The following PTCHD4 variants were observed in gnomAD, a reference collection of about 807,000 sequenced individuals.
The protein encoded by PTCHD4 is patched domain-containing protein 4.
A neutral mutation model predicts 58.1 loss-of-function variants in PTCHD4; 33 were observed. The observed-to-expected ratio is 0.57, with a 90% confidence interval of 0.43 to 0.76. The LOEUF is 0.76. PTCHD4 is among the 30% of genes least tolerant of loss of function. The pLI, the probability that PTCHD4 is intolerant of heterozygous loss-of-function variation, is 0.00. For synonymous variants in PTCHD4, 478 were observed against 409.6 expected (o/e 1.17, Z -2.02); for missense variants, 1,058 against 1,027.1 (o/e 1.03, Z -0.41).
chr6:48,082,979 A>C (rs1211177821), intron 1 of PTCHD4, among the ~76,000 whole-genome samples: 1 of 151,854 alleles, frequency 6.6e-6, no homozygotes, highest in Admixed American at 6.6e-5. Flanking sequence ...ACATCATTTA[A>C]TATAAAACTG....
chr6:48,064,182 G>C (rs1269848922), intron 3 of PTCHD4, among the ~76,000 whole-genome samples: 1 of 152,130 alleles, frequency 6.6e-6, no homozygotes, highest in Non-Finnish European at 1.5e-5. Flanking sequence ...TTGGGATCTA[G>C]ACTTGGAATC....
At chr6:48,079,522 ACT>A (rs1329155208) in intron 1 of PTCHD4, among the ~76,000 whole-genome samples, 1 of 151,742 alleles carries the variant, frequency 6.6e-6, no homozygotes, top group African/African-American at 2.4e-5. Flanking sequence ...AGTATTCCCT[ACT>A]TCTGGTAACA....
At chr6:48,046,312 A>G (rs1032622635) in intron 3 of PTCHD4, among the ~76,000 whole-genome samples, 1 of 151,806 alleles carries the variant, frequency 6.6e-6, no homozygotes, top group African/African-American at 2.4e-5. Context: ...TATGGAAACA[A>G]AATAACTGAA....
At chr6:48,017,483 A>C (rs1309876261) in intron 3 of PTCHD4, among the ~76,000 whole-genome samples, 1 of 152,226 alleles carries the variant, frequency 6.6e-6, no homozygotes, top group East Asian at 1.9e-4. Context: ...TGCTGAAATA[A>C]AATAAAAACT....
At chr6:47,935,944 T>C (rs1381500842) in intron 4 of PTCHD4, among the ~76,000 whole-genome samples, 1 of 152,134 alleles carries the variant, frequency 6.6e-6, no homozygotes, top group Admixed American at 6.6e-5. Context: ...TTTTATCACA[T>C]AGGGTGATAA....
At chr6:47,923,803 G>T (rs1765507073) in intron 4 of PTCHD4, among the ~76,000 whole-genome samples, 1 of 152,182 alleles carries the variant, frequency 6.6e-6, no homozygotes, top group Admixed American at 6.5e-5. Context: ...AGTTGCATAG[G>T]TTAAATAGGT....
intron 3 of PTCHD4, among the ~76,000 whole-genome samples, chr6:48,063,910 A>C (rs1460621343): frequency 6.6e-6 from 1 of 152,166 alleles, no homozygotes; most frequent in Non-Finnish European, 1.5e-5. Flanking sequence ...TTACTGTTCC[A>C]TTGAGATTGG....
chr6:48,012,432 A>G (rs1762712175), intron 3 of PTCHD4, among the ~76,000 whole-genome samples: 1 of 152,094 alleles, frequency 6.6e-6, no homozygotes, highest in South Asian at 2.1e-4. Context: ...TTGTATCCTG[A>G]GACTATGCTG....
At chr6:48,006,143 T>C (rs757829394) in intron 4 of PTCHD4, among the ~76,000 whole-genome samples, 1 of 152,196 alleles carries the variant, frequency 6.6e-6, no homozygotes, top group Non-Finnish European at 1.5e-5. Context: ...ATTGCAGAAA[T>C]ACTTCAGAGG....
chr6:47,905,529 G>GA (rs1581856469), intron 4 of PTCHD4, among the ~76,000 whole-genome samples: 1 of 152,208 alleles, frequency 6.6e-6, no homozygotes, highest in East Asian at 1.9e-4. Context: ...TGAAGAGTAA[G>GA]AAAAATGTGC....
chr6:47,914,984 C>A (rs1377712166), intron 4 of PTCHD4, among the ~76,000 whole-genome samples: 3 of 152,012 alleles, frequency 2.0e-5, no homozygotes, highest in Admixed American at 2.0e-4. Context: ...CAAATTTCTC[C>A]AAAGCTACTT....
chr6:47,872,152 T>C lies in PTCHD4; in HGVS notation c.*6151A>G, dbSNP rs1763728971. On this transcript the variant is annotated 3_prime_UTR_variant, in exon 5 of 5. Coordinates refer to ENST00000339488, the MANE Select transcript of PTCHD4 (RefSeq NM_001384253.1). ...CTAGTAACCATATTACATTAGATAA[T>C]TTAAATGCTCCCCATAACATACTGT... is the stretch of plus-strand genomic sequence containing the variant. Among the ~76,000 whole-genome samples, 1 of 151,554 alleles carries C rather than the reference T, an allele frequency of 6.6e-6. No individual in the cohort carries two copies.
intron 4 of PTCHD4, among the ~76,000 whole-genome samples, chr6:47,978,182 T>C (rs532844333): frequency 1.3e-3 from 203 of 152,232 alleles, no homozygotes; most frequent in African/African-American, 4.8e-3. Flanking sequence ...TTTTAGGATT[T>C]CCTTTTGTTT....
intron 3 of PTCHD4, among the ~76,000 whole-genome samples, chr6:48,051,077 C>A (rs1468392897): frequency 6.6e-6 from 1 of 151,916 alleles, no homozygotes; most frequent in Non-Finnish European, 1.5e-5. Flanking sequence ...ACACAGCAAA[C>A]AACCTTTCAA....
intron 3 of PTCHD4, among the ~76,000 whole-genome samples, chr6:48,028,187 C>T (rs1024370167): frequency 1.3e-5 from 2 of 152,060 alleles, no homozygotes; most frequent in African/African-American, 4.8e-5. Context: ...AAGTGATCTG[C>T]CCACCTCGGC....
intron 4 of PTCHD4, among the ~76,000 whole-genome samples, chr6:47,987,666 G>A (rs940946095): frequency 6.6e-6 from 1 of 152,092 alleles, no homozygotes; most frequent in Admixed American, 6.5e-5. Flanking sequence ...TGCTCAAGAT[G>A]AGAAGTCTTA....
chr6:48,004,873 T>C (rs1461322686), intron 4 of PTCHD4, among the ~76,000 whole-genome samples: 3 of 152,134 alleles, frequency 2.0e-5, no homozygotes, highest in Non-Finnish European at 4.4e-5. Flanking sequence ...GCCAAGATCA[T>C]GCTACTGAAC....
intron 1 of PTCHD4, among the ~76,000 whole-genome samples, chr6:48,108,872 T>A (rs1301155183): frequency 6.6e-6 from 1 of 151,480 alleles, no homozygotes; most frequent in East Asian, 1.9e-4. Context: ...AACAAAATAT[T>A]AAAAATGCTA....
chr6:48,103,546 T>C (rs1158859367), intron 1 of PTCHD4, among the ~76,000 whole-genome samples: 1 of 152,064 alleles, frequency 6.6e-6, no homozygotes, highest in African/African-American at 2.4e-5. Context: ...AGAGCGCCTC[T>C]CCTCCTCCAA....
Sources: gnomAD v4.1 joint callset for allele counts (sites outside exome capture counted in the v4.1 genomes callset) on GRCh38, gnomAD v4.1.1 for gene constraint, MANE v1.5 for transcripts, NCBI Gene and HGNC (gene_info 2026-07-23, HGNC 2026-07-21) for gene names.